XKR4: variants seen among roughly 807,000 people sequenced by gnomAD.
XKR4 encodes XK related 4.
In XKR4, 12 loss-of-function variants were observed where a neutral mutation model predicts 53.9. That is an observed-to-expected ratio of 0.22 (90% CI 0.14 to 0.36). XKR4 has a LOEUF of 0.36. Among genes scored for constraint, XKR4 ranks in the 10% least tolerant of loss-of-function variants. XKR4 has a pLI of 1.00. For synonymous variants in XKR4, 354 were observed against 362.4 expected, an observed-to-expected ratio of 0.98 and a Z score of 0.26; for missense variants, 799 against 859.5, an observed-to-expected ratio of 0.93 and a Z score of 0.88.
chr8:55,141,965 G>T (rs1299834407), intron 1 of XKR4, among the ~76,000 whole-genome samples: 2 of 152,088 alleles, frequency 1.3e-5, no homozygotes, highest in East Asian at 3.9e-4. Context: ...CCCTTCCCCA[G>T]GCCCCGCCTC....
At chr8:55,310,088 A>G (rs1450330100) in intron 1 of XKR4, among the ~76,000 whole-genome samples, 2 of 152,142 alleles carry the variant, frequency 1.3e-5, no homozygotes, top group African/African-American at 4.8e-5. Context: ...GAAAACATGT[A>G]TAACTTTCTA....
chr8:55,308,597 G>A (rs1010177736), intron 1 of XKR4, among the ~76,000 whole-genome samples: 12 of 152,080 alleles, frequency 7.9e-5, no homozygotes, highest in African/African-American at 2.9e-4. Flanking sequence ...ATGAGATTTG[G>A]GTGGGGACAC....
At chr8:55,522,637 TCA>T (rs1806813138) in intron 2 of XKR4, among the ~76,000 whole-genome samples, 1 of 152,158 alleles carries the variant, frequency 6.6e-6, no homozygotes, top group African/African-American at 2.4e-5. Context: ...GCTTTGGAGA[TCA>T]CACACTTTAT....
intron 2 of XKR4, among the ~76,000 whole-genome samples, chr8:55,483,308 C>A (rs1171159954): frequency 6.6e-6 from 1 of 152,116 alleles, no homozygotes; most frequent in Non-Finnish European, 1.5e-5. Context: ...CCTAAGGTAG[C>A]TTTGCAACTG....
At chr8:55,471,945 TA>T (rs1430442770) in intron 2 of XKR4, among the ~76,000 whole-genome samples, 1 of 152,170 alleles carries the variant, frequency 6.6e-6, no homozygotes, top group Non-Finnish European at 1.5e-5. Flanking sequence ...CTTTTCTTTA[TA>T]AATTACCCAA....
chr8:55,223,707 G>A (rs1214616232), intron 1 of XKR4, among the ~76,000 whole-genome samples: 2 of 152,048 alleles, frequency 1.3e-5, no homozygotes, highest in East Asian at 3.9e-4. Flanking sequence ...TTGAATATAG[G>A]GATAAAAGAA....
intron 2 of XKR4, chr8:55,450,713 G>A (rs954765047): frequency 5.1e-6 from 3 of 584,018 alleles, no homozygotes; most frequent in African/African-American, 1.9e-5. Flanking sequence ...CTGAAGCGAT[G>A]ACTGAAGGAC....
chr8:55,312,267 T>C (rs908867458), intron 1 of XKR4, among the ~76,000 whole-genome samples: 26 of 152,190 alleles, frequency 1.7e-4, no homozygotes, highest in Non-Finnish European at 7.4e-5. Flanking sequence ...CAATAGAGGT[T>C]ACTAAACCAT....
rs115780662 is a variant in XKR4, at chr8:55,378,669, T to C, written c.1006+20792T>C. ...ACATAGAAATTGCCTATACTCACAA[T>C]AAAAACTTACATAAAAAGGTGGAGA... On this transcript the variant is annotated intron_variant, in intron 2 of 2. Coordinates refer to ENST00000327381, the MANE Select transcript of XKR4 (RefSeq NM_052898.2). Among the ~76,000 whole-genome samples the C allele has an allele frequency of 5.1e-3, 769 of 152,198 alleles. 11 individuals carry two copies. The highest frequency in any genetic ancestry group is 0.017 in the African/African-American group (721 of 41,508).
intron 2 of XKR4, among the ~76,000 whole-genome samples, chr8:55,448,771 G>A (rs1805380444): frequency 6.6e-6 from 1 of 152,206 alleles, no homozygotes; most frequent in East Asian, 1.9e-4. Flanking sequence ...ATAGAACAGG[G>A]ATGAAGCTAG....
At chr8:55,251,107 G>A (rs958825663) in intron 1 of XKR4, among the ~76,000 whole-genome samples, 7 of 152,220 alleles carry the variant, frequency 4.6e-5, no homozygotes, top group Admixed American at 2.0e-4. Flanking sequence ...AGGCGTAGAC[G>A]TAAGTACAGT....
chr8:55,458,987 C>A (rs764961705), intron 2 of XKR4, among the ~76,000 whole-genome samples: 2 of 152,196 alleles, frequency 1.3e-5, no homozygotes, highest in Non-Finnish European at 2.9e-5. Flanking sequence ...CTACCTAGTA[C>A]CTCCTACTCA....
At chr8:55,188,454 G>T (rs1817406391) in intron 1 of XKR4, among the ~76,000 whole-genome samples, 1 of 152,174 alleles carries the variant, frequency 6.6e-6, no homozygotes, top group Non-Finnish European at 1.5e-5. Flanking sequence ...GTCATTAAAA[G>T]AAGCCAAATA....
At chr8:55,189,244 A>G (rs1817414596) in intron 1 of XKR4, among the ~76,000 whole-genome samples, 1 of 152,206 alleles carries the variant, frequency 6.6e-6, no homozygotes, top group Admixed American at 6.5e-5. Context: ...CATACTCTGA[A>G]AAAGGTAGAA....
chr8:55,191,007 A>G (rs1817437985), intron 1 of XKR4, among the ~76,000 whole-genome samples: 1 of 152,240 alleles, frequency 6.6e-6, no homozygotes, highest in African/African-American at 2.4e-5. Context: ...AAAATGAGCC[A>G]GAACCAGTTG....
intron 1 of XKR4, among the ~76,000 whole-genome samples, chr8:55,141,389 G>T (rs967568930): frequency 2.6e-5 from 4 of 151,990 alleles, no homozygotes; most frequent in Admixed American, 2.0e-4. Flanking sequence ...GGCCACAGTG[G>T]GGAGGTCGGA....
intron 1 of XKR4, among the ~76,000 whole-genome samples, chr8:55,276,924 G>A (rs1193248752): frequency 3.9e-5 from 6 of 152,202 alleles, no homozygotes; most frequent in African/African-American, 1.2e-4. Context: ...TTTAGGTAAA[G>A]CCATGCAAAC....
chr8:55,304,949 C>A (rs962426715), intron 1 of XKR4, among the ~76,000 whole-genome samples: 3 of 151,930 alleles, frequency 2.0e-5, no homozygotes, highest in Non-Finnish European at 4.4e-5. Flanking sequence ...GAGATAATAA[C>A]AATAAGATTA....
At chr8:55,283,941 A>T (rs535876605) in intron 1 of XKR4, among the ~76,000 whole-genome samples, 47 of 152,320 alleles carry the variant, frequency 3.1e-4, no homozygotes, top group African/African-American at 1.1e-3. Flanking sequence ...CCAAATTGTG[A>T]TTCTGTGACG....
Sources: allele counts gnomAD v4.1 joint callset (sites outside exome capture counted in the v4.1 genomes callset), GRCh38; gene constraint gnomAD v4.1.1; transcripts MANE v1.5; gene names NCBI Gene and HGNC (gene_info 2026-07-23, HGNC 2026-07-21).